The following AEBP2 variants were observed in gnomAD, a reference collection of about 807,000 sequenced individuals.
AEBP2 encodes zinc finger protein AEBP2.
AEBP2 carries 10 observed loss-of-function variants against 50.8 expected under a neutral mutation model. The observed-to-expected ratio is 0.20, with a 90% CI of 0.12 to 0.33. The LOEUF is 0.33. AEBP2 is among the 10% of genes least tolerant of loss of function. The pLI is 1.00. For synonymous variants in AEBP2, 296 were observed against 261.3 expected, an observed-to-expected ratio of 1.13 and a Z score of -1.28; for missense variants, 570 against 688.0, an observed-to-expected ratio of 0.83 and a Z score of 1.92.
chr12:19,426,440 C>T (rs1159351331), intron 1 of AEBP2, among the ~76,000 whole-genome samples: 1 of 152,168 alleles, frequency 6.6e-6, no homozygotes, highest in Non-Finnish European at 1.5e-5. Flanking sequence ...AATTCCAACA[C>T]TTAGATTAAC....
chr12:19,445,711 C>CA (rs2153366989), intron 1 of AEBP2, among the ~76,000 whole-genome samples: 1 of 152,248 alleles, frequency 6.6e-6, no homozygotes, highest in African/African-American at 2.4e-5. Flanking sequence ...CAAGAGTCTG[C>CA]AAATGAGTGT....
intron 2 of AEBP2, among the ~76,000 whole-genome samples, chr12:19,473,005 C>T (rs557584200): frequency 6.6e-6 from 1 of 152,104 alleles, no homozygotes; most frequent in African/African-American, 2.4e-5. Flanking sequence ...TATATATTTC[C>T]TTCTGAATGG....
intron 1 of AEBP2, among the ~76,000 whole-genome samples, chr12:19,432,818 C>CAA (rs2095752106): frequency 6.6e-6 from 1 of 151,918 alleles, no homozygotes; most frequent in Non-Finnish European, 1.5e-5. Context: ...AGACCCTTGC[C>CAA]CTTCTGGGAC....
intron 5 of AEBP2, among the ~76,000 whole-genome samples, chr12:19,502,814 A>C (rs1405041498): frequency 6.6e-6 from 1 of 151,718 alleles, no homozygotes; most frequent in Non-Finnish European, 1.5e-5. Flanking sequence ...ACGCCTGGCT[A>C]ATCTTGTATT....
rs151208990 is a variant in AEBP2 at position 19,430,638 on chromosome 12, C to A, written c.-17+26422C>A. ...GGAATGTCCTTCCATTTGTTTGTAT[C>A]CTCTTTTATTTCATTGAGCAGTAGT... On this transcript the variant is annotated intron_variant, in intron 1 of 3. Transcript: ENST00000538425. Among the ~76,000 whole-genome samples, 23 of 152,170 alleles carry A rather than the reference C, an allele frequency of 1.5e-4. No homozygotes were observed. In the East Asian group the frequency reaches 4.0e-3, roughly 27 times the overall value.
intron 5 of AEBP2, among the ~76,000 whole-genome samples, chr12:19,509,901 C>T (rs750033893): frequency 2.3e-4 from 30 of 129,200 alleles, no homozygotes; most frequent in African/African-American, 7.4e-4. Context: ...GGCATGATCT[C>T]GGCTCACTGT....
intron 2 of AEBP2, among the ~76,000 whole-genome samples, chr12:19,467,210 AC>A (rs1948492205): frequency 1.5e-5 from 2 of 129,332 alleles, no homozygotes; most frequent in East Asian, 4.2e-4. Context: ...CCAGACCAAT[AC>A]ACCTTTTTTT....
chr12:19,466,557 A>G (rs1047322253), intron 2 of AEBP2, among the ~76,000 whole-genome samples: 1 of 152,208 alleles, frequency 6.6e-6, no homozygotes, highest in African/African-American at 2.4e-5. Context: ...CTTGTAAATT[A>G]TCATCCCAAA....
chr12:19,415,266 T>C (rs1416506084), intron 1 of AEBP2, among the ~76,000 whole-genome samples: 1 of 133,600 alleles, frequency 7.5e-6, no homozygotes, highest in Non-Finnish European at 1.5e-5. Flanking sequence ...TGAGACAAGA[T>C]TGTGCCACTG....
chr12:19,505,048 T>C (rs149045897), intron 5 of AEBP2, among the ~76,000 whole-genome samples: 3 of 152,288 alleles, frequency 2.0e-5, no homozygotes, highest in African/African-American at 4.8e-5. Flanking sequence ...AGGAAATACA[T>C]TTATCTAAAT....
At chr12:19,465,070 C>T (rs979062350) in intron 2 of AEBP2, among the ~76,000 whole-genome samples, 2 of 151,984 alleles carry the variant, frequency 1.3e-5, no homozygotes, top group African/African-American at 4.8e-5. Context: ...ACTTGATTAC[C>T]AATAATAAGA....
intron 7 of AEBP2, among the ~76,000 whole-genome samples, chr12:19,517,461 C>T (rs1949336674): frequency 6.6e-6 from 1 of 151,968 alleles, no homozygotes; most frequent in African/African-American, 2.4e-5. Flanking sequence ...ACAAATAAGA[C>T]CAATATAGTG....
At position 19,439,786 on chromosome 12, in the gene AEBP2, G is replaced by C. The variant is rs529065615; in HGVS notation, c.87G>C (p.Ala29=). The change falls in exon 1 of 8, where the codon GCG becomes GCC. Residue 29 remains alanine (A), a synonymous_variant. Transcript: ENST00000266508. The part of the protein sequence containing the change: ...PLPPGSPGSA[A]RGRAEPPEEE... ...CCCCCGGCAGCCCGGGTTCGGCGGC[G>C]CGGGGCCGGGCTGAGCCCCCCGAGG... is the stretch of plus-strand genomic sequence containing the variant. 1 of 1,514,888 alleles carries C rather than the reference G, an allele frequency of 6.6e-7. No individual in the cohort carries two copies. Among genetic ancestry groups the C allele is most frequent in the East Asian group, 2.7e-5 (1 of 37,450 alleles). 93.8% of individuals were successfully genotyped at this position (1,514,888 alleles called of 1,614,324 possible).
chr12:19,411,149 C>G (rs2095739038), intron 1 of AEBP2, among the ~76,000 whole-genome samples: 1 of 152,152 alleles, frequency 6.6e-6, no homozygotes, highest in Admixed American at 6.6e-5. Context: ...AAGCTATTAG[C>G]AAAAGTCACT....
chr12:19,440,782 T>C (rs1947942959), intron 1 of AEBP2: 2 of 1,531,768 alleles, frequency 1.3e-6, no homozygotes, highest in Admixed American at 2.0e-5. Flanking sequence ...AATTGACAAG[T>C]GTTTCCAATA....
chr12:19,475,814 A>G (rs1251135764), intron 3 of AEBP2, among the ~76,000 whole-genome samples: 1 of 152,056 alleles, frequency 6.6e-6, no homozygotes, highest in Admixed American at 6.6e-5. Flanking sequence ...ATTGTGTTGT[A>G]TATCTTCTTT....
chr12:19,456,455 G>A (rs1948271461), intron 1 of AEBP2: 1 of 1,446,302 alleles, frequency 6.9e-7, no homozygotes, highest in Admixed American at 1.7e-5. Context: ...CAGAGTTCAA[G>A]AAGTTAGGGC....
At chr12:19,502,255 C>A (rs764022014) in intron 5 of AEBP2, among the ~76,000 whole-genome samples, 1 of 152,080 alleles carries the variant, frequency 6.6e-6, no homozygotes, top group Non-Finnish European at 1.5e-5. Context: ...CTCCCTCAGC[C>A]TCCCGAGTAG....
intron 2 of AEBP2, among the ~76,000 whole-genome samples, chr12:19,463,381 A>G (rs1245001852): frequency 6.6e-6 from 1 of 152,214 alleles, no homozygotes; most frequent in Non-Finnish European, 1.5e-5. Context: ...TTTCAACTTT[A>G]CCTAGAATTT....
Sources: gnomAD v4.1 joint callset for allele counts (sites outside exome capture counted in the v4.1 genomes callset) on GRCh38, gnomAD v4.1.1 for gene constraint, MANE v1.5 for transcripts, NCBI Gene and HGNC (gene_info 2026-07-23, HGNC 2026-07-21) for gene names.